CFAP95: variants seen among roughly 807,000 people sequenced by gnomAD.
CFAP95 encodes cilia- and flagella-associated protein 95.
chr9:69,859,599 T>C, the CFAP95 span, among the ~76,000 whole-genome samples: 4 of 152,210 alleles, frequency 2.6e-5, no homozygotes, highest in African/African-American at 9.7e-5. Context: ...TGAGTGAGGC[T>C]TACTGCCTTG....
chr9:69,870,459 C>G, the CFAP95 span, among the ~76,000 whole-genome samples: 8 of 152,194 alleles, frequency 5.3e-5, no homozygotes, highest in Non-Finnish European at 1.2e-4. Flanking sequence ...TAAACAATGT[C>G]GTCAAGAATT....
At chr9:69,901,532 T>C in the CFAP95 span, among the ~76,000 whole-genome samples, 1 of 151,826 alleles carries the variant, frequency 6.6e-6, no homozygotes, top group African/African-American at 2.4e-5. Context: ...ATCCTTTTTA[T>C]GGCTGCATAG....
At chr9:69,889,709 T>C in the CFAP95 span, among the ~76,000 whole-genome samples, 2 of 152,094 alleles carry the variant, frequency 1.3e-5, no homozygotes, top group African/African-American at 2.4e-5. Flanking sequence ...GTTCTCAATG[T>C]ATTGTTTTTT....
At chr9:69,855,236 A>AT in the CFAP95 span, among the ~76,000 whole-genome samples, 1 of 152,136 alleles carries the variant, frequency 6.6e-6, no homozygotes, top group Non-Finnish European at 1.5e-5. Context: ...TTACTCCTCT[A>AT]TTTTATGTTT....
At chr9:69,883,691 C>T in the CFAP95 span, among the ~76,000 whole-genome samples, 2 of 152,036 alleles carry the variant, frequency 1.3e-5, no homozygotes, top group African/African-American at 4.8e-5. Flanking sequence ...CTGTAGTAGC[C>T]ACTAACGATC....
At chr9:69,885,605 G>C in the CFAP95 span, among the ~76,000 whole-genome samples, 25 of 152,256 alleles carry the variant, frequency 1.6e-4, no homozygotes, top group Admixed American at 7.2e-4. Flanking sequence ...TCCCTTTTGG[G>C]CTTGGCTATA....
At chr9:69,862,933 A>G in the CFAP95 span, among the ~76,000 whole-genome samples, 1 of 152,224 alleles carries the variant, frequency 6.6e-6, no homozygotes. Context: ...TGACACCACC[A>G]GAACTTGTCA....
the CFAP95 span, among the ~76,000 whole-genome samples, chr9:69,832,530 A>T: frequency 2.0e-5 from 3 of 146,854 alleles, no homozygotes; most frequent in Non-Finnish European, 3.0e-5. Flanking sequence ...ACAAATATGA[A>T]TTTTTTTTCC....
At chr9:69,866,426 G>C in the CFAP95 span, among the ~76,000 whole-genome samples, 1 of 152,188 alleles carries the variant, frequency 6.6e-6, no homozygotes, top group African/African-American at 2.4e-5. Context: ...GAACTAGTGG[G>C]CCTGCTGGTG....
chr9:69,896,276 T>C, the CFAP95 span, among the ~76,000 whole-genome samples: 1 of 152,222 alleles, frequency 6.6e-6, no homozygotes, highest in African/African-American at 2.4e-5. Context: ...ATTTTGTGCA[T>C]TAGAAACAAA....
the CFAP95 span, among the ~76,000 whole-genome samples, chr9:69,821,479 G>A: frequency 6.6e-6 from 1 of 152,050 alleles, no homozygotes; most frequent in Non-Finnish European, 1.5e-5. Context: ...TGCTGTCAGA[G>A]GCCTGGAAAT....
At chr9:69,827,939 T>C in the CFAP95 span, among the ~76,000 whole-genome samples, 1 of 152,202 alleles carries the variant, frequency 6.6e-6, no homozygotes, top group African/African-American at 2.4e-5. Flanking sequence ...GCAGATGCCA[T>C]GGTTTGCCCA....
At chr9:69,878,617 T>C in the CFAP95 span, among the ~76,000 whole-genome samples, 12 of 152,200 alleles carry the variant, frequency 7.9e-5, no homozygotes, top group African/African-American at 2.7e-4. Flanking sequence ...AGGATGTATG[T>C]AGAGATTTGG....
chr9:69,854,166 C>A, the CFAP95 span, among the ~76,000 whole-genome samples: 4 of 152,162 alleles, frequency 2.6e-5, no homozygotes, highest in African/African-American at 4.8e-5. Flanking sequence ...AGTCAGATGG[C>A]TTCTCTTTAA....
chr9:69,820,866 C>A, the CFAP95 span: 1 of 1,613,344 alleles, frequency 6.2e-7, no homozygotes, highest in African/African-American at 1.3e-5. Context: ...GAGGTCTGTA[C>A]CTCGAGGGCT....
the CFAP95 span, among the ~76,000 whole-genome samples, chr9:69,904,102 A>G: frequency 6.6e-6 from 1 of 152,106 alleles, no homozygotes; most frequent in South Asian, 2.1e-4. Context: ...TGTACAATTC[A>G]GTGTTTTTTT....
chr9:69,840,028 C>T, the CFAP95 span, among the ~76,000 whole-genome samples: 3 of 149,850 alleles, frequency 2.0e-5, no homozygotes, highest in Middle Eastern at 3.4e-3. Context: ...AGTGAGCTGA[C>T]GTCATACCAT....
At chr9:69,837,479 C>T in the CFAP95 span, among the ~76,000 whole-genome samples, 2 of 152,086 alleles carry the variant, frequency 1.3e-5, no homozygotes, top group Non-Finnish European at 2.9e-5. Context: ...CTCTGATGGC[C>T]AGTGATGATG....
chr9:69,868,287 A>C, the CFAP95 span, among the ~76,000 whole-genome samples: 1 of 152,094 alleles, frequency 6.6e-6, no homozygotes, highest in Non-Finnish European at 1.5e-5. Flanking sequence ...TTTTTTGGAC[A>C]GACATCAAAG....
Sources: allele counts gnomAD v4.1 joint callset (sites outside exome capture counted in the v4.1 genomes callset), GRCh38; gene constraint gnomAD v4.1.1; transcripts MANE v1.5; gene names NCBI Gene and HGNC (gene_info 2026-07-23, HGNC 2026-07-21).